MIIP: variants seen among roughly 807,000 people sequenced by gnomAD.
The protein encoded by MIIP is migration and invasion-inhibitory protein.
Under a neutral mutation model 44.8 loss-of-function variants are expected in MIIP, and 44 were observed. The ratio of observed to expected loss-of-function variants is 0.98; its 90% confidence interval spans 0.77 to 1.26. MIIP has a LOEUF of 1.26. Ranked by LOEUF, MIIP falls within the 50% of genes most tolerant of loss-of-function variation. MIIP has a pLI of 0.00. For missense variants in MIIP, 496 were observed against 511.7 expected (o/e 0.97, Z 0.30); for synonymous variants, 225 against 218.3 (o/e 1.03, Z -0.27).
chr1:12,029,921 T>G lies in MIIP; in HGVS notation c.845+27T>G, dbSNP rs760452156. The G allele has an allele frequency of 7.4e-6, 12 of 1,611,294 alleles. No homozygotes were observed. In the East Asian group the frequency reaches 2.2e-4, roughly 30 times the overall value. On this transcript the variant is annotated intron_variant, in intron 7 of 9. Coordinates refer to ENST00000235332, the MANE Select transcript of MIIP (RefSeq NM_021933.4). Reference sequence around the variant, plus strand: ...TGAGTGACCAGAGTATTGGGACACCTTGGGGGACAGAGCCTGAACCACTGG... The same window carrying G: ...TGAGTGACCAGAGTATTGGGACACCGTGGGGGACAGAGCCTGAACCACTGG...
chr1:12,025,028 C>CTTTTTTTTTTTTTTTTTTTTTT (rs147513513), intron 4 of MIIP, among the ~76,000 whole-genome samples: 47 of 123,876 alleles, frequency 3.8e-4, no homozygotes, highest in African/African-American at 5.1e-4. Flanking sequence ...AATTCCCTTC[C>CTTTTTTTTTTTTTTTTTTTTTT]TTTTTTTTTT....
At chr1:12,023,175 T>C (rs1017752945) in intron 4 of MIIP, among the ~76,000 whole-genome samples, 2 of 148,054 alleles carry the variant, frequency 1.4e-5, no homozygotes, top group African/African-American at 5.0e-5. Context: ...GTGATTCTCA[T>C]CCCTTGGCCT....
Position 12,031,775 on chromosome 1 carries a change from C to T in MIIP, c.1134C>T (p.Val378=). 6.2e-7 allele frequency: 1 copy of T among 1,614,042 alleles called. No individual in the cohort carries two copies. Among genetic ancestry groups the T allele is most frequent in the African/African-American group, 1.3e-5 (1 of 75,032 alleles). ...PPTPTWSVPQ[V]PRPHVPRQKP ...CCCCGACCTGGTCAGTGCCCCAGGT[C>T]CCTCGGCCCCACGTCCCACGGCAGA... Residue 378 remains valine (V), a synonymous_variant, in exon 10 of 10, where the codon GTC becomes GTT. Coordinates refer to ENST00000235332, the MANE Select transcript of MIIP (RefSeq NM_021933.4).
chr1:12,021,814 C>T lies in MIIP; in HGVS notation c.88C>T (p.Arg30Trp), dbSNP rs766995901. ...GTGGGTGGGGCAGGATGCTGTGCGG[C>T]GGTCAGTGGCCAGGGCAGCCTCGGA... ...QLWVGQDAVRRSVARAASESS... is the reference protein window; with the variant it reads ...QLWVGQDAVRWSVARAASESS... The change falls in exon 2 of 10, where the codon CGG (arginine) becomes TGG (tryptophan). Residue 30 changes from arginine to tryptophan, a missense_variant. By Grantham distance (101) the Arg-to-Trp change is moderately radical. Coordinates refer to ENST00000235332, the MANE Select transcript of MIIP (RefSeq NM_021933.4). 18 of 1,610,940 alleles carry T rather than the reference C, an allele frequency of 1.1e-5. No individual in the cohort carries two copies. The highest frequency in any genetic ancestry group is 3.3e-5 in the Admixed American group (2 of 59,870).
intron 4 of MIIP, among the ~76,000 whole-genome samples, chr1:12,026,939 C>A (rs889958393): frequency 1.3e-5 from 2 of 152,182 alleles, no homozygotes; most frequent in African/African-American, 4.8e-5. Context: ...AACAAAACTT[C>A]CTCTTCAAAA....
intron 8 of MIIP, 114 bp downstream of exon 8, chr1:12,030,238 G>C (rs1640207977): frequency 2.0e-6 from 2 of 983,928 alleles, no homozygotes; most frequent in African/African-American, 1.6e-5. Flanking sequence ...GAGCGCCCAA[G>C]TCTCTGGAGC....
At chr1:12,024,473 G>A (rs766794413) in intron 4 of MIIP, among the ~76,000 whole-genome samples, 3 of 152,158 alleles carry the variant, frequency 2.0e-5, no homozygotes, top group Non-Finnish European at 4.4e-5. Context: ...GAGTGCAATG[G>A]CGTGATCTCC....
intron 4 of MIIP, 40 bp from the exon 5 acceptor site, chr1:12,028,993 C>A: frequency 6.5e-7 from 1 of 1,536,318 alleles, no homozygotes; most frequent in Non-Finnish European, 9.0e-7. Flanking sequence ...CAGCCCCCAG[C>A]CCCTCTCCCG....
At chr1:12,027,017 T>A (rs1187074314) in intron 4 of MIIP, among the ~76,000 whole-genome samples, 6 of 150,320 alleles carry the variant, frequency 4.0e-5, no homozygotes, top group Admixed American at 1.3e-4. Flanking sequence ...TTTTTTTTTT[T>A]TTTTTTGAGA....
rs745386183 is a variant in MIIP, at chr1:12,031,255, G to T, written c.943-11G>T. 3.1e-6 allele frequency: 5 copies of T among 1,611,674 alleles called. No homozygotes were observed. The South Asian group carries it at 4.4e-5, about 14-fold the overall frequency. On this transcript the variant is annotated splice_polypyrimidine_tract_variant and intron_variant, in intron 8 of 9. Coordinates refer to ENST00000235332, the MANE Select transcript of MIIP (RefSeq NM_021933.4). ...CCAGGTCAGGCACTTTTAACTCCTT[G>T]CCTTCCACAGCACTGCCTGCTGGGC...
chr1:12,026,772 C>CCATT (rs1430994904), intron 4 of MIIP, among the ~76,000 whole-genome samples: 1 of 152,196 alleles, frequency 6.6e-6, no homozygotes, highest in Non-Finnish European at 1.5e-5. Flanking sequence ...ACCATGGTGC[C>CCATT]CATTCACAGA....
chr1:12,026,163 G>T (rs750301943), intron 4 of MIIP, among the ~76,000 whole-genome samples: 3 of 152,110 alleles, frequency 2.0e-5, no homozygotes, highest in Non-Finnish European at 2.9e-5. Flanking sequence ...AAATTAGCCA[G>T]GTGTGGTGGC....
rs1640192568 is a variant in MIIP, at chr1:12,029,827, T to C, written c.778T>C (p.Cys260Arg). Residue 260 changes from cysteine (C) to arginine (R), a missense_variant, in exon 7 of 10, where the codon TGC becomes CGC. Coordinates refer to ENST00000235332, the MANE Select transcript of MIIP (RefSeq NM_021933.4). ...FPVPVDPGTP[C>R]RLCRTPRDQQ... ...GGTGCCTGTGGATCCCGGTACCCCC[T>C]GCCGCCTGTGCAGGACACCGCGAGA... 2 of 1,613,270 alleles carry C rather than the reference T, an allele frequency of 1.2e-6. No homozygotes were observed. The highest frequency in any genetic ancestry group is 4.5e-5 in the East Asian group (2 of 44,870).
intron 4 of MIIP, among the ~76,000 whole-genome samples, chr1:12,027,875 A>C (rs1384595565): frequency 6.6e-6 from 1 of 152,196 alleles, no homozygotes. Context: ...AACTTGCTGG[A>C]TTTACCATCC....
At chr1:12,030,812 C>T (rs932500281) in intron 8 of MIIP, among the ~76,000 whole-genome samples, 3 of 150,944 alleles carry the variant, frequency 2.0e-5, no homozygotes, top group African/African-American at 7.3e-5. Flanking sequence ...GTCTCCAGGT[C>T]GGGATGGGGT....
At chr1:12,029,164 G>A in intron 5 of MIIP, 23 bp downstream of exon 5, 1 of 1,613,436 alleles carries the variant, frequency 6.2e-7, no homozygotes. Context: ...GGGCGAGGGT[G>A]GGCGAGGGCG....
intron 1 of MIIP, among the ~76,000 whole-genome samples, chr1:12,020,175 A>G (rs772582996): frequency 1.5e-4 from 23 of 152,252 alleles, no homozygotes; most frequent in Non-Finnish European, 2.6e-4. Context: ...ATTTTGGTTC[A>G]GATCTAGCCT....
At chr1:12,031,681 T>C (rs1040007827) in intron 9 of MIIP, 41 bp from the exon 10 acceptor site, 2 of 1,613,794 alleles carry the variant, frequency 1.2e-6, no homozygotes, top group African/African-American at 2.7e-5. Context: ...GACCTGTCCC[T>C]TTCAAGTGGC....
At chr1:12,023,489 C>T (rs1009941208) in intron 4 of MIIP, among the ~76,000 whole-genome samples, 1 of 151,266 alleles carries the variant, frequency 6.6e-6, no homozygotes, top group African/African-American at 2.4e-5. Context: ...CTGCAAGCCC[C>T]GCCTCCCAGG....
Sources: allele counts gnomAD v4.1 joint callset (sites outside exome capture counted in the v4.1 genomes callset), GRCh38; gene constraint gnomAD v4.1.1; transcripts MANE v1.5; gene names NCBI Gene and HGNC (gene_info 2026-07-23, HGNC 2026-07-21).